PROCR: variants seen among roughly 807,000 people sequenced by gnomAD.
PROCR encodes endothelial protein C receptor.
A neutral mutation model predicts 24.2 loss-of-function variants in PROCR; 22 were observed. That is an observed-to-expected ratio of 0.91 (90% CI 0.65 to 1.30). The LOEUF is 1.30. Among genes scored for constraint, PROCR ranks in the 50% most tolerant of loss-of-function variants. The probability of loss-of-function intolerance (pLI) is 0.00; values close to 1 mark genes in which losing one functional copy is unlikely to be tolerated. For synonymous variants in PROCR, 137 were observed against 139.2 expected, an observed-to-expected ratio of 0.98 and a Z score of 0.11; for missense variants, 288 against 307.7, an observed-to-expected ratio of 0.94 and a Z score of 0.48.
At chr20:35,215,899 A>G (rs2060380546) in exon 2 of PROCR, 3 of 985,304 alleles carry the variant, frequency 3.0e-6, no homozygotes, top group East Asian at 1.1e-4. Flanking sequence ...TCAGATCTCT[A>G]CTAAGAATGT....
intron 1 of PROCR, among the ~76,000 whole-genome samples, chr20:35,185,786 G>A (rs569801083): frequency 6.6e-6 from 1 of 152,236 alleles, no homozygotes; most frequent in South Asian, 2.1e-4. Context: ...GGTGCATTGT[G>A]TACTGCTTGG....
At chr20:35,183,032 T>C (rs972588038) in intron 1 of PROCR, among the ~76,000 whole-genome samples, 1 of 151,948 alleles carries the variant, frequency 6.6e-6, no homozygotes, top group African/African-American at 2.4e-5. Context: ...TATGCTCTGA[T>C]TTACTCTTGT....
chr20:35,205,195 C>T (rs1337285133), intron 1 of PROCR, among the ~76,000 whole-genome samples: 3 of 151,276 alleles, frequency 2.0e-5, no homozygotes, highest in African/African-American at 4.9e-5. Flanking sequence ...ATTGCTTGAA[C>T]CCGGGAGGTG....
intron 1 of PROCR, among the ~76,000 whole-genome samples, chr20:35,214,688 CA>C (rs112791426): frequency 0.077 from 6,161 of 80,146 alleles, 423 homozygotes; most frequent in African/African-American, 0.23. Context: ...AACTCCATCT[CA>C]AAAAAAAAAA....
At chr20:35,174,982 C>T (rs759839865) in intron 2 of PROCR, 29 bp downstream of exon 2, 2 of 182,712 alleles carry the variant, frequency 1.1e-5, no homozygotes, top group South Asian at 1.7e-4. Flanking sequence ...GGGGCGGGGT[C>T]TGGGCGGGGC....
chr20:35,212,408 A>T (rs972703707), intron 1 of PROCR, among the ~76,000 whole-genome samples: 2 of 149,322 alleles, frequency 1.3e-5, no homozygotes, highest in African/African-American at 4.9e-5. Flanking sequence ...TGAAATTCTT[A>T]TTTTTTTTTT....
chr20:35,205,460 T>TAC (rs1482300591), intron 1 of PROCR, among the ~76,000 whole-genome samples: 2 of 145,124 alleles, frequency 1.4e-5, no homozygotes, highest in South Asian at 2.2e-4. Flanking sequence ...CAAAAATATA[T>TAC]ATATATATTG....
rs6060287 is a variant in PROCR, at chr20:35,183,030, G to C, written c.94+6584G>C. Among the ~76,000 whole-genome samples, 230 of 150,690 alleles carry C rather than the reference G, an allele frequency of 1.5e-3. 1 individual carries two copies. The highest frequency in any genetic ancestry group is 5.3e-3 in the African/African-American group (219 of 41,214). On this transcript the variant is annotated intron_variant, in intron 1 of 1. Transcript: ENST00000634509. ...GAAAGAAAGAAAAATGTTATGCTCTGATTTACTCTTGTAGCTATCATTTAC... is the reference window on the plus strand; with the variant it reads ...GAAAGAAAGAAAAATGTTATGCTCTCATTTACTCTTGTAGCTATCATTTAC...
At chr20:35,174,980 G>C in intron 2 of PROCR, 27 bp downstream of exon 2, 1 of 1,310,204 alleles carries the variant, frequency 7.6e-7, no homozygotes, top group Non-Finnish European at 1.0e-6. Context: ...CGGGGGCGGG[G>C]TCTGGGCGGG....
chr20:35,180,701 T>C (rs2086070241), downstream of PROCR, among the ~76,000 whole-genome samples: 1 of 152,300 alleles, frequency 6.6e-6, no homozygotes, highest in East Asian at 1.9e-4. Context: ...TCTTTCAAAA[T>C]TGAGAAATTT....
chr20:35,212,784 T>C (rs2060367174), intron 1 of PROCR, among the ~76,000 whole-genome samples: 1 of 152,266 alleles, frequency 6.6e-6, no homozygotes, highest in Admixed American at 6.5e-5. Context: ...AGAATTAGAA[T>C]TGATGGGTCA....
chr20:35,181,399 C>G (rs1047142218), downstream of PROCR, among the ~76,000 whole-genome samples: 1 of 151,866 alleles, frequency 6.6e-6, no homozygotes, highest in Non-Finnish European at 1.5e-5. Flanking sequence ...CTCAGCCTCC[C>G]AAGTAGCTGG....
rs369616182 is a variant in PROCR at position 35,174,304 on chromosome 20, A to G, written c.71-398A>G. 9 of 310,836 alleles carry G rather than the reference A, an allele frequency of 2.9e-5. 1 individual carries two copies. The highest frequency in any genetic ancestry group is 1.5e-4 in the African/African-American group (7 of 46,558). The allele number at this position is 310,836 out of a possible 1,614,324, so 19.3% of individuals were successfully genotyped here. A position where few individuals can be genotyped will look rare whatever the true frequency, so the allele number is the denominator to read the frequency against. On this transcript the variant is annotated intron_variant, in intron 1 of 3. Coordinates refer to ENST00000216968, the MANE Select transcript of PROCR (RefSeq NM_006404.5). ...GAAAGTTACTACCCCAGTCTAGATG[A>G]GACGGATGAATCCTGAATCAGGGCA...
intron 1 of PROCR, among the ~76,000 whole-genome samples, chr20:35,194,794 G>A (rs2086202318): frequency 1.4e-5 from 2 of 146,726 alleles, no homozygotes; most frequent in South Asian, 4.3e-4. Context: ...ACCACCCACA[G>A]CAGGTGAGAC....
downstream of PROCR, among the ~76,000 whole-genome samples, chr20:35,178,406 T>C (rs1353495568): frequency 4.6e-5 from 5 of 108,506 alleles, no homozygotes; most frequent in Non-Finnish European, 7.0e-5. Flanking sequence ...TCTTTTTTTT[T>C]TTAATTCTAA....
At chr20:35,179,232 C>CAA (rs61421342), downstream of PROCR, among the ~76,000 whole-genome samples, 43 of 76,452 alleles carry the variant, frequency 5.6e-4, no homozygotes, top group Middle Eastern at 7.0e-3. Flanking sequence ...GACTCCATCT[C>CAA]AAAAAAAAAA....
At chr20:35,185,031 A>C (rs1022317539) in intron 1 of PROCR, among the ~76,000 whole-genome samples, 1 of 19,294 alleles carries the variant, frequency 5.2e-5, no homozygotes, top group Non-Finnish European at 9.3e-5. Flanking sequence ...TCAGTAAGAC[A>C]AAAAAAAAAA....
At position 35,172,100 on chromosome 20, in the gene PROCR, C is replaced by T. The variant is rs751962236; in HGVS notation, c.-55C>T. Reference sequence around the variant, plus strand: ...TCTCTTTTCCCTAGACTGCAGCCAGCGGAGCCCGCAGCCGGCCCGAGCCAG... The same window carrying T: ...TCTCTTTTCCCTAGACTGCAGCCAGTGGAGCCCGCAGCCGGCCCGAGCCAG... On this transcript the variant is annotated 5_prime_UTR_variant, in exon 1 of 4. Coordinates refer to ENST00000216968, the MANE Select transcript of PROCR (RefSeq NM_006404.5). 8 of 1,561,660 alleles carry T rather than the reference C, an allele frequency of 5.1e-6. No homozygotes were observed. The African/African-American group carries it at 8.1e-5, about 16-fold the overall frequency.
downstream of PROCR, among the ~76,000 whole-genome samples, chr20:35,179,264 G>A (rs1374840177): frequency 1.4e-5 from 2 of 144,202 alleles, no homozygotes; most frequent in East Asian, 2.1e-4. Context: ...AATGCCAAAC[G>A]CAATGACTGG....
Sources: allele counts gnomAD v4.1 joint callset (sites outside exome capture counted in the v4.1 genomes callset), GRCh38; gene constraint gnomAD v4.1.1; transcripts MANE v1.5; gene names NCBI Gene and HGNC (gene_info 2026-07-23, HGNC 2026-07-21).